The following ANKRD18B variants were observed in gnomAD, a reference collection of about 807,000 sequenced individuals.
ANKRD18B encodes the protein ankyrin repeat domain-containing protein 18B.
ANKRD18B carries 75 observed loss-of-function variants against 111.8 expected under a neutral mutation model. That is an observed-to-expected ratio of 0.67 (90% confidence interval 0.56 to 0.81). The LOEUF (loss-of-function observed/expected upper bound fraction) is 0.81. Among genes scored for constraint, ANKRD18B ranks in the 40% least tolerant of loss-of-function variants. The pLI, the probability that ANKRD18B is intolerant of heterozygous loss-of-function variation, is 0.00. For missense variants in ANKRD18B, 1,038 were observed against 1,225.5 expected (o/e 0.85, Z 2.28); for synonymous variants, 356 against 417.3 (o/e 0.85, Z 1.79).
chr9:33,550,008 G>A lies in ANKRD18B; in HGVS notation c.2068-422G>A, dbSNP rs544908422. Among the ~76,000 whole-genome samples the A allele has an allele frequency of 5.6e-4, 86 of 152,228 alleles. 1 individual carries two copies. Among genetic ancestry groups the A allele is most frequent in the Admixed American group, 2.4e-3 (36 of 15,264 alleles). On this transcript the variant is annotated intron_variant, in intron 11 of 18. Transcript: ENST00000684830. ...GGGGTGGCAGAGTTCACGGAGAGTG[G>A]GATTGAAGTTTGTACGGGACAGAGT...
intron 8 of ANKRD18B, 113 bp from the exon 9 acceptor site, chr9:33,541,034 T>C: frequency 1.5e-6 from 2 of 1,314,022 alleles, no homozygotes; most frequent in Non-Finnish European, 2.1e-6. Context: ...TGCAAGCTTC[T>C]AATGGGTAGG....
chr9:33,572,332 C>T lies in ANKRD18B; in HGVS notation c.3240C>T (p.Gly1080=). ...TETKKTFAAL[G]PCSYLLSSLE... ...TCTTTCCAGCTTTTGCTGCGTTGGGCCCTTGCTCCTATCTACTTTCTTCTC... is the reference window on the plus strand; with the variant it reads ...TCTTTCCAGCTTTTGCTGCGTTGGGTCCTTGCTCCTATCTACTTTCTTCTC... The change falls in exon 19 of 19, where the codon GGC becomes GGT. Residue 1080 remains glycine, a synonymous_variant. Coordinates refer to ENST00000684830, the MANE Select transcript of ANKRD18B (RefSeq NM_001393611.1). The T allele has an allele frequency of 1.2e-6, 2 of 1,611,126 alleles. No individual in the cohort carries two copies. The highest frequency in any genetic ancestry group is 1.7e-6 in the Non-Finnish European group (2 of 1,178,338).
At chr9:33,535,694 G>T in intron 5 of ANKRD18B, among the ~76,000 whole-genome samples, 3 of 144,354 alleles carry the variant, frequency 2.1e-5, no homozygotes, top group Non-Finnish European at 3.0e-5. Flanking sequence ...TATATTATAT[G>T]TAATTATATT....
chr9:33,561,008 G>A (rs555547329), intron 14 of ANKRD18B, among the ~76,000 whole-genome samples: 1 of 152,280 alleles, frequency 6.6e-6, no homozygotes, highest in South Asian at 2.1e-4. Context: ...TTATGTATGA[G>A]TTTTTGTGCT....
chr9:33,545,607 C>A (rs898764759), intron 10 of ANKRD18B, among the ~76,000 whole-genome samples: 1 of 152,138 alleles, frequency 6.6e-6, no homozygotes, highest in Non-Finnish European at 1.5e-5. Flanking sequence ...AGTCCCACTG[C>A]TAATATCTAT....
Position 33,529,181 on chromosome 9 carries a change from T to A in ANKRD18B, c.495+8T>A. ...ATTGAAGCACTAAACAAGGTACAGA[T>A]CAATCAACTTTCTTTTCAAAATGTT... On this transcript the variant is annotated splice_region_variant and intron_variant, in intron 3 of 18. Coordinates refer to ENST00000684830, the MANE Select transcript of ANKRD18B (RefSeq NM_001393611.1). 1 of 1,586,086 alleles carries A rather than the reference T, an allele frequency of 6.3e-7. No homozygotes were observed. Among genetic ancestry groups the A allele is most frequent in the East Asian group, 2.2e-5 (1 of 44,634 alleles).
chr9:33,572,610 A>G lies in ANKRD18B; in HGVS notation c.*176A>G, dbSNP rs796733415. ...CTTAAGTTTTAAGTGGATCTTGCAA[A>G]TGAACACCAGTGTTATTGAGTTTGA... On this transcript the variant is annotated 3_prime_UTR_variant, in exon 19 of 19. Transcript: ENST00000684830. 2.0e-5 allele frequency: 25 copies of G among 1,243,622 alleles called. No homozygotes were observed. In the African/African-American group the frequency reaches 3.7e-4, roughly 18 times the overall value. The allele number at this position is 1,243,622 out of a possible 1,614,324, so 77.0% of individuals were successfully genotyped here.
At chr9:33,574,114 G>T (rs1310021387), downstream of ANKRD18B, among the ~76,000 whole-genome samples, 3 of 143,880 alleles carry the variant, frequency 2.1e-5, no homozygotes, top group African/African-American at 7.3e-5. Flanking sequence ...ATTCAGTGGG[G>T]GTGAGGTGAG....
intron 3 of ANKRD18B, among the ~76,000 whole-genome samples, chr9:33,531,929 A>G (rs1587257705): frequency 6.6e-6 from 1 of 152,206 alleles, no homozygotes. Context: ...CTTCTCAGCA[A>G]TGTCCCTTAA....
chr9:33,531,011 A>G (rs916378559), intron 3 of ANKRD18B, among the ~76,000 whole-genome samples: 2 of 152,170 alleles, frequency 1.3e-5, no homozygotes, highest in African/African-American at 4.8e-5. Flanking sequence ...CAGTTGTATT[A>G]GGGACTATCT....
At chr9:33,539,303 T>A (rs1393877339) in intron 6 of ANKRD18B, 146 bp from the exon 7 acceptor site, 1 of 157,190 alleles carries the variant, frequency 6.4e-6, no homozygotes, top group African/African-American at 2.4e-5. Context: ...CCAGGCACGT[T>A]TACGTTTGTG....
chr9:33,529,496 T>G (rs1828080393), intron 3 of ANKRD18B, among the ~76,000 whole-genome samples: 1 of 152,174 alleles, frequency 6.6e-6, no homozygotes, highest in African/African-American at 2.4e-5. Flanking sequence ...GAAATAGGCT[T>G]TATCTTAAAA....
chr9:33,550,552 G>C lies in ANKRD18B; in HGVS notation c.2190G>C (p.Lys730Asn). ...ATTTGGATGAGACATGGACTTCAAA[G>C]AAGAAATTATTTCAAGTAGAAATTC... ...HINLDETWTS[K>N]KKLFQVEIQP... The change falls in exon 12 of 19, where the codon AAG (lysine) becomes AAC (asparagine). Residue 730 changes from lysine (K) to asparagine (N), a missense_variant. Around this residue, in one of 4 missense-constraint regions of ANKRD18B, gnomAD observed 524 missense variants for 677.9 expected, o/e 0.77. Transcript: ENST00000684830. 2 of 1,535,896 alleles carry C rather than the reference G, an allele frequency of 1.3e-6. No homozygotes were observed. Among genetic ancestry groups the C allele is most frequent in the Non-Finnish European group, 1.8e-6 (2 of 1,141,686 alleles).
At chr9:33,550,335 G>A in intron 11 of ANKRD18B, 95 bp from the exon 12 acceptor site, 1 of 1,241,948 alleles carries the variant, frequency 8.1e-7, no homozygotes, top group Non-Finnish European at 1.1e-6. Context: ...TGTGTGTGTG[G>A]TAATAATTTT....
chr9:33,548,631 G>A lies in ANKRD18B; in HGVS notation c.1843G>A (p.Glu615Lys), dbSNP rs749643840. 3.6e-5 allele frequency: 56 copies of A among 1,551,266 alleles called. No individual in the cohort carries two copies. Among genetic ancestry groups the A allele is most frequent in the Non-Finnish European group, 4.3e-5 (49 of 1,146,694 alleles). ...QSIGKQNSSE[E>K]RIRQRELENL... The stretch of plus-strand genomic sequence containing the variant: ...CATTGGAAAGCAGAACTCTTCAGAG[G>A]AGAGAATACGTCAACGAGAACTTGA... The change falls in exon 11 of 19, where the codon GAG (glutamate) becomes AAG (lysine). Residue 615 changes from glutamate to lysine, a missense_variant. Physicochemically the swap from Glu to Lys is moderately conservative, Grantham distance 56. Around this residue, in one of 4 missense-constraint regions of ANKRD18B, gnomAD observed 524 missense variants for 677.9 expected, o/e 0.77. Transcript: ENST00000684830.
intron 9 of ANKRD18B, among the ~76,000 whole-genome samples, chr9:33,542,448 T>C (rs397839734): frequency 6.6e-6 from 1 of 151,638 alleles, no homozygotes; most frequent in East Asian, 1.9e-4. Flanking sequence ...AATGGCATGA[T>C]CGAGACTCAC....
Position 33,558,040 on chromosome 9 carries a change from G to C in ANKRD18B, c.2331-18G>C. 7 of 1,557,998 alleles carry C rather than the reference G, an allele frequency of 4.5e-6. No homozygotes were observed. The highest frequency in any genetic ancestry group is 6.1e-6 in the Non-Finnish European group (7 of 1,148,062). The stretch of plus-strand genomic sequence containing the variant: ...ACTCTTAAAAATTCTTGACTTACCA[G>C]TTCTTACATTTCTGCAGATATAAGA... On this transcript the variant is annotated intron_variant, in intron 13 of 18. Coordinates refer to ENST00000684830, the MANE Select transcript of ANKRD18B (RefSeq NM_001393611.1).
rs1014978080 is a variant in ANKRD18B, at chr9:33,548,495, G to A, written c.1707G>A (p.Arg569=). 2 of 1,551,024 alleles carry A rather than the reference G, an allele frequency of 1.3e-6. No homozygotes were observed. Among genetic ancestry groups the A allele is most frequent in the African/African-American group, 1.4e-5 (1 of 72,984 alleles). The change falls in exon 11 of 19, where the codon AGG becomes AGA. Residue 569 remains arginine, a synonymous_variant. Transcript: ENST00000684830. ...GKLRETRDAL[R]EKTLALESVQ... ...TCCGTGAGACAAGAGATGCTCTCAG[G>A]GAAAAGACATTGGCTTTAGAAAGTG... is the stretch of plus-strand genomic sequence containing the variant.
chr9:33,569,257 A>G (rs1828732798), intron 17 of ANKRD18B: 1 of 143,894 alleles, frequency 6.9e-6, no homozygotes, highest in African/African-American at 2.6e-5. Context: ...TGTGGTTCAT[A>G]TCACTTTTTT....
Sources: allele counts gnomAD v4.1 joint callset (sites outside exome capture counted in the v4.1 genomes callset), GRCh38; gene constraint gnomAD v4.1.1; regional missense constraint gnomAD v4.1.1; transcripts MANE v1.5; gene names NCBI Gene and HGNC (gene_info 2026-07-23, HGNC 2026-07-21).